Variants in CEP295 observed in about 807,000 individuals in gnomAD.
CEP295 encodes the protein centrosomal protein of 295 kDa.
In CEP295, 190 loss-of-function variants were observed where a neutral mutation model predicts 291.6. That is an observed-to-expected ratio of 0.65 (90% CI 0.58 to 0.73). The LOEUF (loss-of-function observed/expected upper bound fraction) is 0.73. CEP295 is among the 30% of genes least tolerant of loss of function. CEP295 has a pLI of 0.00. For synonymous variants in CEP295, 993 were observed against 1,038.8 expected, an observed-to-expected ratio of 0.96 and a Z score of 0.85; for missense variants, 2,863 against 2,949.4, an observed-to-expected ratio of 0.97 and a Z score of 0.68.
chr11:93,686,953 T>G (rs2186686), intron 9 of CEP295, among the ~76,000 whole-genome samples: 137,882 of 152,218 alleles, frequency 0.91, 63,513 homozygotes, highest in Non-Finnish European at 0.99. Context: ...ATTTTATTCC[T>G]TGACTAAGCC....
chr11:93,682,487 G>A (rs1951023805), intron 7 of CEP295, among the ~76,000 whole-genome samples: 1 of 152,210 alleles, frequency 6.6e-6, no homozygotes, highest in East Asian at 1.9e-4. Flanking sequence ...GCCTCCCAAA[G>A]TGCTGGGATT....
chr11:93,678,581 C>T (rs1292709638), intron 6 of CEP295, among the ~76,000 whole-genome samples: 8 of 152,276 alleles, frequency 5.3e-5, no homozygotes, highest in Admixed American at 2.6e-4. Flanking sequence ...ACTTTTACTG[C>T]TGGTTACATT....
In CEP295 at chr11:93,699,838, C is replaced by T; in HGVS notation, c.4926C>T (p.Ile1642=). 6.4e-7 allele frequency: 1 copy of T among 1,552,238 alleles called. No individual in the cohort carries two copies. Among genetic ancestry groups the T allele is most frequent in the Non-Finnish European group, 8.7e-7 (1 of 1,147,112 alleles). Residue 1642 remains isoleucine, a synonymous_variant, in exon 15 of 30, where the codon ATC becomes ATT. Transcript: ENST00000325212. The part of the protein sequence containing the change: ...LNKSESAEHT[I]PSLFLPKETE... ...AAAGTGAATCTGCTGAGCATACTAT[C>T]CCCTCTTTGTTTCTACCCAAGGAAA...
At position 93,728,783 on chromosome 11, in the gene CEP295, G is replaced by A. The variant is rs1288619805; in HGVS notation, c.7264G>A (p.Glu2422Lys). Residue 2422 changes from glutamate (E) to lysine (K), a missense_variant, in exon 25 of 30, where the codon GAA becomes AAA. Around this residue, in one of 3 missense-constraint regions of CEP295, gnomAD observed 2,295 missense variants for 2,335.7 expected, o/e 0.98. Coordinates refer to ENST00000325212, the MANE Select transcript of CEP295 (RefSeq NM_033395.2). ...AEMDFANLTL[E>K]EKSENEAKCF... ...AATGGATTTTGCAAATTTAACCCTA[G>A]AAGAGAAGAGCGAGAATGAAGCAAA... 1.9e-6 allele frequency: 3 copies of A among 1,549,160 alleles called. No individual in the cohort carries two copies. In the South Asian group the frequency reaches 3.6e-5, roughly 19 times the overall value.
intron 1 of CEP295, among the ~76,000 whole-genome samples, chr11:93,662,041 C>G (rs1435049184): frequency 6.6e-6 from 1 of 152,174 alleles, no homozygotes; most frequent in Non-Finnish European, 1.5e-5. Flanking sequence ...CGCGAGCTTC[C>G]CACGCAGCCT....
rs924077107 is a variant in CEP295, at chr11:93,722,115, G to A, written c.5947+65G>A. 5.5e-6 allele frequency: 5 copies of A among 908,286 alleles called. No homozygotes were observed. In the South Asian group the frequency reaches 7.2e-5, roughly 13 times the overall value. 56.3% of individuals were successfully genotyped at this position (908,286 alleles called of 1,614,324 possible). ...GGCACCAGTTGAGTTGCAATACAGT[G>A]ATGGAAGGAAGCATTGGGTTTTCAT... On this transcript the variant is annotated intron_variant, in intron 20 of 29. Coordinates refer to ENST00000325212, the MANE Select transcript of CEP295 (RefSeq NM_033395.2).
At chr11:93,718,473 C>G (rs1953435823) in intron 18 of CEP295, among the ~76,000 whole-genome samples, 1 of 152,184 alleles carries the variant, frequency 6.6e-6, no homozygotes, top group South Asian at 2.1e-4. Context: ...TATTTCTCTT[C>G]CAGCTTTCAG....
chr11:93,683,485 C>T, intron 7 of CEP295, 74 bp from the exon 8 acceptor site: 1 of 1,107,784 alleles, frequency 9.0e-7, no homozygotes, highest in Non-Finnish European at 1.3e-6. Context: ...CTCATTTCCC[C>T]TACCTGCAAC....
chr11:93,695,783 G>A (rs1951816670), intron 13 of CEP295, 149 bp downstream of exon 13: 2 of 814,238 alleles, frequency 2.5e-6, no homozygotes, highest in East Asian at 7.0e-5. Flanking sequence ...GGCCGAGACA[G>A]GCAGATCACT....
At position 93,700,093 on chromosome 11, in the gene CEP295, C is replaced by T; in HGVS notation, c.5181C>T (p.Ala1727=). 1 of 1,551,628 alleles carries T rather than the reference C, an allele frequency of 6.4e-7. No individual in the cohort carries two copies. The highest frequency in any genetic ancestry group is 8.7e-7 in the Non-Finnish European group (1 of 1,146,972). Residue 1727 remains alanine, a synonymous_variant, in exon 15 of 30, where the codon GCC becomes GCT. Transcript: ENST00000325212. The stretch of plus-strand genomic sequence containing the variant: ...AAGTTCTGCATTATAGCCAGAAAGC[C>T]CAGGAAAAATTGCTTGTACAGAGAC... ...QREVLHYSQK[A]QEKLLVQRQT... is the part of the protein sequence containing the mutation.
At chr11:93,669,012 C>A in intron 4 of CEP295, 80 bp downstream of exon 4, 2 of 696,682 alleles carry the variant, frequency 2.9e-6, no homozygotes, top group Non-Finnish European at 2.3e-6. Context: ...ACTGTGTAAG[C>A]AAATATTAAA....
intron 24 of CEP295, chr11:93,728,168 G>GT (rs1565226213): frequency 6.5e-6 from 1 of 154,952 alleles, no homozygotes; most frequent in African/African-American, 2.4e-5. Context: ...TCATCTAGCA[G>GT]TATGTGCAGT....
chr11:93,667,410 T>A (rs572002016), intron 2 of CEP295, among the ~76,000 whole-genome samples, 197 bp from the exon 3 acceptor site: 34 of 152,330 alleles, frequency 2.2e-4, no homozygotes, highest in African/African-American at 7.9e-4. Flanking sequence ...AGACATTAGA[T>A]ATAGTCTTGA....
chr11:93,709,781 G>A (rs1952774638), intron 18 of CEP295, among the ~76,000 whole-genome samples: 1 of 152,086 alleles, frequency 6.6e-6, no homozygotes, highest in African/African-American at 2.4e-5. Context: ...CAGGAACATG[G>A]AATATCTTTC....
intron 18 of CEP295, among the ~76,000 whole-genome samples, chr11:93,716,885 C>T (rs1325593501): frequency 6.6e-6 from 1 of 152,188 alleles, no homozygotes; most frequent in African/African-American, 2.4e-5. Context: ...GCTTAGGCTT[C>T]TCATGACCTT....
At chr11:93,715,701 G>A (rs1008539167) in intron 18 of CEP295, among the ~76,000 whole-genome samples, 18 of 151,988 alleles carry the variant, frequency 1.2e-4, no homozygotes, top group African/African-American at 4.4e-4. Flanking sequence ...AGCAGGTGAT[G>A]AATCCTGCCA....
At chr11:93,688,512 C>T (rs1458424693) in intron 10 of CEP295, among the ~76,000 whole-genome samples, 6 of 152,120 alleles carry the variant, frequency 3.9e-5, no homozygotes, top group Non-Finnish European at 8.8e-5. Context: ...GGATTTTATC[C>T]TGAGTCCCAC....
At chr11:93,717,689 A>G (rs1265534469) in intron 18 of CEP295, among the ~76,000 whole-genome samples, 1 of 152,064 alleles carries the variant, frequency 6.6e-6, no homozygotes, top group Non-Finnish European at 1.5e-5. Flanking sequence ...GGTTTAGACA[A>G]TATTCATGGT....
chr11:93,716,968 A>G (rs1784203), intron 18 of CEP295, among the ~76,000 whole-genome samples: 137,664 of 152,214 alleles, frequency 0.9, 63,351 homozygotes, highest in Non-Finnish European at 0.99. Flanking sequence ...TAAAATCTAT[A>G]AACTTATACC....
Sources: allele counts gnomAD v4.1 joint callset (sites outside exome capture counted in the v4.1 genomes callset), GRCh38; gene constraint gnomAD v4.1.1; regional missense constraint gnomAD v4.1.1; transcripts MANE v1.5; gene names NCBI Gene and HGNC (gene_info 2026-07-23, HGNC 2026-07-21).